The following TRMT10B variants were observed in gnomAD, a reference collection of about 807,000 sequenced individuals.
The protein encoded by TRMT10B is tRNA methyltransferase 10 homolog B.
In TRMT10B, 33 loss-of-function variants were observed where a neutral mutation model predicts 43.8. The observed-to-expected ratio is 0.75, with a 90% CI of 0.57 to 1.01. The LOEUF (loss-of-function observed/expected upper bound fraction) is 1.01. Ranked by LOEUF, TRMT10B falls within the 50% of genes least tolerant of loss-of-function variation. The pLI is 0.00. For missense variants in TRMT10B, 362 were observed against 369.8 expected, an observed-to-expected ratio of 0.98 and a Z score of 0.17; for synonymous variants, 137 against 130.6, an observed-to-expected ratio of 1.05 and a Z score of -0.34.
chr9:37,766,860 C>G (rs1827034186), intron 4 of TRMT10B: 1 of 152,152 alleles, frequency 6.6e-6, no homozygotes, highest in Non-Finnish European at 1.5e-5. Flanking sequence ...AGAGTTCACT[C>G]ATGATTTGGC....
At chr9:37,773,539 A>G (rs557804347) in intron 7 of TRMT10B, among the ~76,000 whole-genome samples, 1 of 152,216 alleles carries the variant, frequency 6.6e-6, no homozygotes, top group Non-Finnish European at 1.5e-5. Context: ...GAAATACTTC[A>G]AAGTAAAAAG....
At chr9:37,777,194 CAAAAAAAAAAAAAAAAAAAAAA>C (rs11306620) in intron 8 of TRMT10B, among the ~76,000 whole-genome samples, 10 of 29,984 alleles carry the variant, frequency 3.3e-4, no homozygotes, top group Admixed American at 1.3e-3. Flanking sequence ...AACTCCGCCT[CAAAAAAAAAAAAAAAAAAAAAA>C]AAAAAAAAAA....
chr9:37,773,991 TAA>T, intron 7 of TRMT10B, among the ~76,000 whole-genome samples: 1 of 148,612 alleles, frequency 6.7e-6, no homozygotes, highest in Non-Finnish European at 1.5e-5. Context: ...TAATAATAAT[TAA>T]AAGTTTATTA....
chr9:37,766,511 A>G (rs376652136), intron 4 of TRMT10B, among the ~76,000 whole-genome samples: 3 of 152,144 alleles, frequency 2.0e-5, no homozygotes, highest in Non-Finnish European at 2.9e-5. Flanking sequence ...GTCAGGTAGC[A>G]TGATGCCTCC....
At position 37,762,096 on chromosome 9, in the gene TRMT10B, A is replaced by G. The variant is rs562935166; in HGVS notation, c.165A>G (p.Thr55=). 2.9e-4 allele frequency: 468 copies of G among 1,613,888 alleles called. 4 individuals carry two copies. In the South Asian group the frequency reaches 4.2e-3, roughly 14 times the overall value. ...GCCAGGAGGGAGAGATCCTGGCCACAGGCAGTACGGCATGGTGCTCGGTGA... is the reference window on the plus strand; with the variant it reads ...GCCAGGAGGGAGAGATCCTGGCCACGGGCAGTACGGCATGGTGCTCGGTGA... ...GECQEGEILA[T]GSTAWCSKNV... Residue 55 remains threonine, a synonymous_variant, in exon 2 of 9, where the codon ACA becomes ACG. Transcript: ENST00000297994.
At position 37,755,472 on chromosome 9, in the gene TRMT10B, A is replaced by G. The variant is rs532755417; in HGVS notation, c.-30+1620A>G. On this transcript the variant is annotated intron_variant, in intron 1 of 8. Coordinates refer to ENST00000297994, the MANE Select transcript of TRMT10B (RefSeq NM_144964.4). ...CATAGATAATGTCCCACACAGATTG[A>G]GCAGATCTCTGCTTCTGTGATGTCC... 5.3e-5 allele frequency among the ~76,000 whole-genome samples: 8 copies of G among 152,274 alleles called. No individual in the cohort carries two copies. The South Asian group carries it at 1.7e-3, about 32-fold the overall frequency.
At chr9:37,764,755 A>G (rs1231725996) in intron 4 of TRMT10B, among the ~76,000 whole-genome samples, 1 of 152,020 alleles carries the variant, frequency 6.6e-6, no homozygotes, top group Non-Finnish European at 1.5e-5. Context: ...ATGCTCATTC[A>G]CCTCATTGAT....
intron 4 of TRMT10B, among the ~76,000 whole-genome samples, chr9:37,765,511 T>C (rs1826894987): frequency 1.3e-5 from 2 of 151,986 alleles, no homozygotes; most frequent in South Asian, 4.1e-4. Flanking sequence ...GTTGGTTCCA[T>C]GTCTTTGCTA....
At chr9:37,770,477 G>T (rs984421582) in intron 6 of TRMT10B, among the ~76,000 whole-genome samples, 195 bp from the exon 7 acceptor site, 1 of 151,948 alleles carries the variant, frequency 6.6e-6, no homozygotes, top group African/African-American at 2.4e-5. Context: ...ACCCTTTTTC[G>T]TGATTAGCTA....
Position 37,761,906 on chromosome 9 carries a change from G to A in TRMT10B, c.-26G>A. ...ACATAATTGTGCCTTTTTCCAGTCTGGTGGAAAGGACAGAGGACTAAGTCC... is the reference window on the plus strand; with the variant it reads ...ACATAATTGTGCCTTTTTCCAGTCTAGTGGAAAGGACAGAGGACTAAGTCC... On this transcript the variant is annotated 5_prime_UTR_variant, in exon 2 of 9. Coordinates refer to ENST00000297994, the MANE Select transcript of TRMT10B (RefSeq NM_144964.4). 6.3e-7 allele frequency: 1 copy of A among 1,586,126 alleles called. No individual in the cohort carries two copies.
chr9:37,756,741 TACACACAC>T (rs533330841), intron 1 of TRMT10B, among the ~76,000 whole-genome samples: 2 of 149,774 alleles, frequency 1.3e-5, no homozygotes, highest in East Asian at 3.9e-4. Context: ...TATATATATA[TACACACAC>T]ACACATATAT....
chr9:37,770,921 C>T (rs1307170406), intron 7 of TRMT10B, among the ~76,000 whole-genome samples, 182 bp downstream of exon 7: 1 of 152,242 alleles, frequency 6.6e-6, no homozygotes, highest in Non-Finnish European at 1.5e-5. Context: ...TGAGCAATGT[C>T]AGCGAAATCA....
At chr9:37,772,115 G>C (rs540983269) in intron 7 of TRMT10B, among the ~76,000 whole-genome samples, 1 of 152,086 alleles carries the variant, frequency 6.6e-6, no homozygotes, top group Admixed American at 6.5e-5. Flanking sequence ...GGGCTCATTT[G>C]AACCGCCCGC....
intron 4 of TRMT10B, 70 bp from the exon 5 acceptor site, chr9:37,768,003 TAGC>T (rs1466761572): frequency 2.6e-6 from 4 of 1,566,108 alleles, no homozygotes; most frequent in Non-Finnish European, 3.5e-6. Context: ...GAACTTATTG[TAGC>T]CATTTCTTGA....
chr9:37,754,269 A>G (rs950224700), intron 1 of TRMT10B, among the ~76,000 whole-genome samples: 1 of 149,928 alleles, frequency 6.7e-6, no homozygotes, highest in Admixed American at 6.6e-5. Context: ...GACAACAAGT[A>G]AAATAGGTTA....
intron 1 of TRMT10B, among the ~76,000 whole-genome samples, chr9:37,757,108 A>G (rs1825814571): frequency 6.6e-6 from 1 of 152,018 alleles, no homozygotes; most frequent in Non-Finnish European, 1.5e-5. Context: ...TTTTTGAAAC[A>G]GGGTTTGCTG....
At chr9:37,767,858 G>A (rs1036183975) in intron 4 of TRMT10B, among the ~76,000 whole-genome samples, 2 of 152,236 alleles carry the variant, frequency 1.3e-5, no homozygotes, top group South Asian at 2.1e-4. Context: ...GCAGGAGGGC[G>A]AATTCCGTTT....
At chr9:37,756,611 C>T (rs1341195859) in intron 1 of TRMT10B, among the ~76,000 whole-genome samples, 1 of 151,874 alleles carries the variant, frequency 6.6e-6, no homozygotes, top group Non-Finnish European at 1.5e-5. Flanking sequence ...GAGGCTGAGG[C>T]ATGAGAATCG....
upstream of TRMT10B, among the ~76,000 whole-genome samples, chr9:37,753,044 G>A (rs865906696): frequency 5.9e-5 from 9 of 151,944 alleles, no homozygotes; most frequent in Middle Eastern, 6.8e-3. Context: ...GCTCTTTCTT[G>A]AGGCCCGTGT....
Sources: allele counts gnomAD v4.1 joint callset (sites outside exome capture counted in the v4.1 genomes callset), GRCh38; gene constraint gnomAD v4.1.1; transcripts MANE v1.5; gene names NCBI Gene and HGNC (gene_info 2026-07-23, HGNC 2026-07-21).